RBFOX1: variants seen among roughly 807,000 people sequenced by gnomAD.
RBFOX1 encodes the protein RNA binding fox-1 homolog 1.
In RBFOX1, 8 loss-of-function variants were observed where a neutral mutation model predicts 57.7. The observed-to-expected ratio is 0.14, with a 90% CI of 0.08 to 0.25. The LOEUF is 0.25. Ranked by LOEUF, RBFOX1 falls within the 10% of genes least tolerant of loss-of-function variation. The pLI, the probability that RBFOX1 is intolerant of heterozygous loss-of-function variation, is 1.00. For synonymous variants in RBFOX1, 326 were observed against 222.4 expected (o/e 1.47, Z -4.15); for missense variants, 611 against 548.5 (o/e 1.11, Z -1.14).
rs1307820178 is a variant in RBFOX1 at position 5,454,783 on chromosome 16, T to TTC, written c.220-12431_220-12430dup. Among the ~76,000 whole-genome samples the TTC allele has an allele frequency of 3.8e-4, 57 of 151,478 alleles. 1 individual carries two copies. The highest frequency in any genetic ancestry group is 9.2e-4 in the African/African-American group (38 of 41,298). ...TCTTTCTTTCTCTTTCTTTCTTTCT[T>TTC]TCTTTCTCTTTCTTTCTTTCTTTCC... On this transcript the variant is annotated intron_variant, in intron 1 of 2. Transcript: ENST00000585867.
intron 1 of RBFOX1, among the ~76,000 whole-genome samples, chr16:6,214,085 C>A (rs889043377): frequency 3.9e-5 from 6 of 152,198 alleles, no homozygotes; most frequent in African/African-American, 1.4e-4. Flanking sequence ...GTTTCTTTCA[C>A]TCCAAGAGCA....
intron 1 of RBFOX1, among the ~76,000 whole-genome samples, chr16:6,069,398 CAA>C (rs34337622): frequency 0.019 from 2,118 of 113,902 alleles, 47 homozygotes; most frequent in South Asian, 0.13. Context: ...AACTCTGCCT[CAA>C]AAAAAAAAAA....
chr16:7,572,054 C>G (rs3785242), intron 5 of RBFOX1, among the ~76,000 whole-genome samples: 59,518 of 151,632 alleles, frequency 0.39, 11,949 homozygotes, highest in South Asian at 0.52. Flanking sequence ...TTGAACCTGG[C>G]AGACGGAGGT....
intron 3 of RBFOX1, among the ~76,000 whole-genome samples, chr16:7,036,694 AAAACAAAC>A (rs757116687): frequency 6.6e-6 from 1 of 150,488 alleles, no homozygotes; most frequent in Non-Finnish European, 1.5e-5. Context: ...CTCCGTCTCA[AAAACAAAC>A]AAACAAACAA....
At chr16:7,191,675 G>A (rs567020306) in intron 4 of RBFOX1, among the ~76,000 whole-genome samples, 1 of 152,296 alleles carries the variant, frequency 6.6e-6, no homozygotes, top group South Asian at 2.1e-4. Flanking sequence ...CGTCAGAAGG[G>A]CATGCTCACG....
chr16:7,261,883 C>T (rs1237032628), intron 4 of RBFOX1, among the ~76,000 whole-genome samples: 1 of 152,120 alleles, frequency 6.6e-6, no homozygotes, highest in East Asian at 1.9e-4. Flanking sequence ...TTCCTTTGGG[C>T]ATCAATAGTG....
At chr16:6,136,087 G>A (rs1002734569) in intron 1 of RBFOX1, among the ~76,000 whole-genome samples, 5 of 152,054 alleles carry the variant, frequency 3.3e-5, no homozygotes, top group Non-Finnish European at 7.4e-5. Context: ...GAGCCTCTGT[G>A]CCTGGCCTGT....
chr16:5,715,483 C>T (rs1489068001), intron 3 of RBFOX1, among the ~76,000 whole-genome samples: 1 of 152,208 alleles, frequency 6.6e-6, no homozygotes, highest in African/African-American at 2.4e-5. Flanking sequence ...ACACATACAT[C>T]ATGAAAACTC....
At chr16:6,150,109 G>C (rs149102699) in intron 1 of RBFOX1, among the ~76,000 whole-genome samples, 1 of 152,150 alleles carries the variant, frequency 6.6e-6, no homozygotes, top group Non-Finnish European at 1.5e-5. Context: ...CATGGCTTTT[G>C]GTCATAGGAA....
At chr16:6,090,513 G>A (rs1268369753) in intron 1 of RBFOX1, among the ~76,000 whole-genome samples, 1 of 152,206 alleles carries the variant, frequency 6.6e-6, no homozygotes, top group Non-Finnish European at 1.5e-5. Flanking sequence ...AAGTCAGCAG[G>A]TTCTAAAAGG....
intron 4 of RBFOX1, among the ~76,000 whole-genome samples, chr16:7,163,682 A>C (rs1409539456): frequency 2.6e-5 from 4 of 151,852 alleles, no homozygotes; most frequent in Non-Finnish European, 1.5e-5. Flanking sequence ...TTTTTTAGAC[A>C]GTCTTGCTCT....
chr16:6,036,389 G>GTTTTGTGTTTTT (rs1488756389), intron 1 of RBFOX1, among the ~76,000 whole-genome samples: 1 of 147,448 alleles, frequency 6.8e-6, no homozygotes, highest in Non-Finnish European at 1.5e-5. Flanking sequence ...CTAGCATAAT[G>GTTTTGTGTTTTT]TTTTGTGTTT....
chr16:6,355,748 C>T (rs1422412461), intron 2 of RBFOX1, among the ~76,000 whole-genome samples: 1 of 152,196 alleles, frequency 6.6e-6, no homozygotes, highest in Non-Finnish European at 1.5e-5. Context: ...TACACTCCCA[C>T]CAACAGTGTA....
At chr16:7,404,198 G>T (rs906992473) in intron 4 of RBFOX1, among the ~76,000 whole-genome samples, 3 of 151,858 alleles carry the variant, frequency 2.0e-5, no homozygotes, top group African/African-American at 7.3e-5. Context: ...GATTACACGT[G>T]TGAGACCCCA....
At chr16:7,326,778 T>G (rs1216768469) in intron 4 of RBFOX1, among the ~76,000 whole-genome samples, 2 of 152,000 alleles carry the variant, frequency 1.3e-5, no homozygotes, top group Admixed American at 6.6e-5. Context: ...TCTCCAACTT[T>G]GAAACGCAGG....
chr16:6,764,914 ATG>A (rs1258611247), intron 3 of RBFOX1, among the ~76,000 whole-genome samples: 1 of 152,118 alleles, frequency 6.6e-6, no homozygotes, highest in African/African-American at 2.4e-5. Context: ...TCCAACCTGG[ATG>A]ACAGAGCAAG....
intron 2 of RBFOX1, among the ~76,000 whole-genome samples, chr16:6,576,089 G>A (rs367646796): frequency 2.2e-4 from 34 of 152,144 alleles, no homozygotes; most frequent in African/African-American, 6.7e-4. Context: ...CCTTCATACC[G>A]CATTGTTTAT....
Position 5,632,853 on chromosome 16 carries a change from C to T in RBFOX1, c.318+33892C>T, listed in dbSNP as rs550090308. Among the ~76,000 whole-genome samples the T allele has an allele frequency of 6.6e-5, 10 of 151,986 alleles. No individual in the cohort carries two copies. The South Asian group carries it at 1.0e-3, about 16-fold the overall frequency. ...GGAGAACTGCAGCACACAGAATTTC[C>T]GTAACTTTCTCCACTGTGGCTAAGA... is the stretch of plus-strand genomic sequence containing the variant. On this transcript the variant is annotated intron_variant, in intron 3 of 19. Transcript: ENST00000641259.
At chr16:7,160,052 G>A (rs1454311549) in intron 4 of RBFOX1, among the ~76,000 whole-genome samples, 1 of 152,130 alleles carries the variant, frequency 6.6e-6, no homozygotes, top group East Asian at 1.9e-4. Context: ...CAGTGTGCCT[G>A]TTGCTGTAAA....
Sources: gnomAD v4.1 joint callset for allele counts (sites outside exome capture counted in the v4.1 genomes callset) on GRCh38, gnomAD v4.1.1 for gene constraint, MANE v1.5 for transcripts, NCBI Gene and HGNC (gene_info 2026-07-23, HGNC 2026-07-21) for gene names.